Variants in IFT57 observed in about 807,000 individuals in gnomAD.
IFT57 encodes intraflagellar transport 57.
IFT57 carries 59 observed loss-of-function variants against 56.8 expected under a neutral mutation model. The observed-to-expected ratio is 1.04, with a 90% CI of 0.84 to 1.29. The LOEUF is 1.29. IFT57 is among the 50% of genes most tolerant of loss of function. IFT57 has a pLI of 0.00. For synonymous variants in IFT57, 209 were observed against 186.1 expected (o/e 1.12, Z -1.00); for missense variants, 470 against 522.1 (o/e 0.90, Z 0.97).
intron 5 of IFT57, among the ~76,000 whole-genome samples, chr3:108,193,418 A>C (rs1351438978): frequency 6.6e-6 from 1 of 152,140 alleles, no homozygotes; most frequent in African/African-American, 2.4e-5. Flanking sequence ...TTCTAACTTC[A>C]CCATTTGAGA....
At chr3:108,205,945 T>C (rs2080308432) in intron 5 of IFT57, among the ~76,000 whole-genome samples, 2 of 98,244 alleles carry the variant, frequency 2.0e-5, no homozygotes, top group South Asian at 3.0e-4. Flanking sequence ...AATATATTAG[T>C]TTATAATATA....
In IFT57 at chr3:108,206,715, A is replaced by T. The variant is rs1423318323; in HGVS notation, c.586-19T>A. ...CTTCTTCCTTAGAAAATAAATTTTT[A>T]AAAAATTATTAAAAATTATAATTAA... On this transcript the variant is annotated intron_variant, in intron 4 of 10. Transcript: ENST00000264538. 9.9e-6 allele frequency: 9 copies of T among 909,026 alleles called. No homozygotes were observed. The highest frequency in any genetic ancestry group is 7.1e-5 in the African/African-American group (4 of 56,500). 56.3% of individuals were successfully genotyped at this position (909,026 alleles called of 1,614,324 possible).
chr3:108,177,975 TCA>T (rs143867120), intron 6 of IFT57, among the ~76,000 whole-genome samples: 8 of 150,290 alleles, frequency 5.3e-5, no homozygotes, highest in Non-Finnish European at 8.9e-5. Flanking sequence ...ATTTAACAAG[TCA>T]CACACACACA....
At position 108,219,541 on chromosome 3, in the gene IFT57, C is replaced by T. The variant is rs548451697; in HGVS notation, c.244G>A (p.Glu82Lys). ...HYFALPTNPG[E>K]QFYMFCTLAA... ...AGAGTACAAAACATGTAGAACTGTT[C>T]GCCAGGGTTGGTAGGCAGTGCAAAA... Residue 82 changes from glutamate to lysine, a missense_variant, in exon 2 of 11, where the codon GAA becomes AAA. Physicochemically the swap from Glu to Lys is moderately conservative, Grantham distance 56. Transcript: ENST00000264538. 5.3e-5 allele frequency: 86 copies of T among 1,613,914 alleles called. 1 individual carries two copies. In the South Asian group the frequency reaches 8.0e-4, roughly 15 times the overall value.
chr3:108,217,769 G>A (rs1431361133), intron 3 of IFT57, among the ~76,000 whole-genome samples: 12 of 148,804 alleles, frequency 8.1e-5, no homozygotes, highest in African/African-American at 3.0e-4. Context: ...TACCTGAATA[G>A]TGCCTTCTAC....
chr3:108,172,092 C>A (rs1415539697), intron 6 of IFT57, among the ~76,000 whole-genome samples: 1 of 151,866 alleles, frequency 6.6e-6, no homozygotes, highest in Non-Finnish European at 1.5e-5. Context: ...TCGAGAGAAG[C>A]AACCATGCCT....
intron 3 of IFT57, among the ~76,000 whole-genome samples, chr3:108,218,076 G>T (rs920794433): frequency 6.6e-6 from 1 of 151,950 alleles, no homozygotes; most frequent in Non-Finnish European, 1.5e-5. Flanking sequence ...CTAGGAGAGT[G>T]TCAGGTAGTT....
At chr3:108,207,666 T>C (rs1171358046) in intron 4 of IFT57, among the ~76,000 whole-genome samples, 2 of 152,210 alleles carry the variant, frequency 1.3e-5, no homozygotes, top group Non-Finnish European at 2.9e-5. Context: ...TCTCCAAGTA[T>C]GGTTCTGAGA....
chr3:108,198,643 T>C (rs969202350), intron 5 of IFT57, among the ~76,000 whole-genome samples: 1 of 152,202 alleles, frequency 6.6e-6, no homozygotes, highest in Non-Finnish European at 1.5e-5. Context: ...GGTTTCACCA[T>C]GTTGGCCAAG....
chr3:108,167,129 A>G (rs1316058534), intron 7 of IFT57, 144 bp from the exon 8 acceptor site: 1 of 645,980 alleles, frequency 1.5e-6, no homozygotes, highest in Non-Finnish European at 2.6e-6. Flanking sequence ...TCAATAGCAC[A>G]AAATATCTGT....
intron 6 of IFT57, among the ~76,000 whole-genome samples, chr3:108,171,543 C>A (rs1227342599): frequency 6.6e-6 from 1 of 151,840 alleles, no homozygotes; most frequent in Non-Finnish European, 1.5e-5. Context: ...TAACAATCAT[C>A]TAGTGTAACG....
rs1174974553 is a variant in IFT57 at position 108,222,330 on chromosome 3, C to T, written c.-8G>A. ...GGCCAGAGCAGCAGTCATCGCAGAA[C>T]GGACAGAGTCCAGCGTGGGCTCAGG... On this transcript the variant is annotated 5_prime_UTR_variant, in exon 1 of 11. Coordinates refer to ENST00000264538, the MANE Select transcript of IFT57 (RefSeq NM_018010.4). 6.2e-7 allele frequency: 1 copy of T among 1,602,674 alleles called. No homozygotes were observed. Among genetic ancestry groups the T allele is most frequent in the Admixed American group, 1.7e-5 (1 of 59,370 alleles).
chr3:108,192,707 A>G (rs2080222907), intron 5 of IFT57, among the ~76,000 whole-genome samples: 1 of 152,106 alleles, frequency 6.6e-6, no homozygotes, highest in Non-Finnish European at 1.5e-5. Context: ...CTTAAAATGT[A>G]TGAACCTTAT....
At chr3:108,198,272 T>C (rs2080256123) in intron 5 of IFT57, among the ~76,000 whole-genome samples, 1 of 152,256 alleles carries the variant, frequency 6.6e-6, no homozygotes, top group Non-Finnish European at 1.5e-5. Flanking sequence ...TCATCACTTG[T>C]ATTTTAACTT....
intron 3 of IFT57, 59 bp from the exon 4 acceptor site, chr3:108,214,080 T>C: frequency 9.9e-7 from 1 of 1,014,104 alleles, no homozygotes; most frequent in African/African-American, 1.6e-5. Context: ...GACAAAAAAA[T>C]CATAATGCAA....
rs776821550 is a variant in IFT57 at position 108,162,597 on chromosome 3, C to CA, written c.1169dup (p.Met390IlefsTer4). On this transcript the variant is annotated frameshift_variant, in exon 11 of 11. Transcript: ENST00000264538. LOFTEE classifies it high-confidence loss of function. ...GTTCCACAATGCCAATTCTAATGTC[C>CA]ATCTCTACAGTTTCTTGCTTCAGTT... The CA allele has an allele frequency of 1.2e-6, 2 of 1,612,710 alleles. No individual in the cohort carries two copies. The highest frequency in any genetic ancestry group is 2.2e-5 in the South Asian group (2 of 90,936).
rs544267246 is a variant in IFT57 at position 108,172,534 on chromosome 3, G to T, written c.778-4670C>A. On this transcript the variant is annotated intron_variant, in intron 6 of 10. Coordinates refer to ENST00000264538, the MANE Select transcript of IFT57 (RefSeq NM_018010.4). ...CTGATTAAAAAGGCAAGAGACTGAA[G>T]GCAGGTAGGGACCCAGTTAGAAGGC... is the stretch of plus-strand genomic sequence containing the variant. 3.3e-5 allele frequency among the ~76,000 whole-genome samples: 5 copies of T among 151,996 alleles called. No homozygotes were observed. The East Asian group carries it at 7.8e-4, about 24-fold the overall frequency.
intron 6 of IFT57, among the ~76,000 whole-genome samples, chr3:108,170,769 AACCAAAACAGCATGATACTGGT>A (rs1371094154): frequency 6.6e-6 from 1 of 152,060 alleles, no homozygotes; most frequent in African/African-American, 2.4e-5. Context: ...AGGCTACAGT[AACCAAAACAGCATGATACTGGT>A]ACCAAAACAG....
chr3:108,221,962 G>A, intron 1 of IFT57, 149 bp downstream of exon 1: 2 of 1,442,158 alleles, frequency 1.4e-6, no homozygotes, highest in South Asian at 1.4e-5. Flanking sequence ...CCTCCCGGGA[G>A]TTTGGGGTGA....
Sources: gnomAD v4.1 joint callset for allele counts (sites outside exome capture counted in the v4.1 genomes callset) on GRCh38, gnomAD v4.1.1 for gene constraint, MANE v1.5 for transcripts, NCBI Gene and HGNC (gene_info 2026-07-23, HGNC 2026-07-21) for gene names.